SRGAP2B: variants seen among roughly 807,000 people sequenced by gnomAD.
SRGAP2B encodes SLIT-ROBO Rho GTPase-activating protein 2B.
Under a neutral mutation model 22.2 loss-of-function variants are expected in SRGAP2B, and 9 were observed. That is an observed-to-expected ratio of 0.41 (90% CI 0.24 to 0.71). SRGAP2B has a LOEUF of 0.71. SRGAP2B is among the 30% of genes least tolerant of loss of function. The pLI is 0.35. For missense variants in SRGAP2B, 114 were observed against 235.8 expected (o/e 0.48, Z 3.38); for synonymous variants, 36 against 87.4 (o/e 0.41, Z 3.28).
chr1:145,044,653 A>C (rs1649551141), intron 2 of SRGAP2B, among the ~76,000 whole-genome samples: 2 of 17,568 alleles, frequency 1.1e-4, no homozygotes, highest in South Asian at 4.5e-3. Context: ...CCCCTCCTAA[A>C]AAAAAAAAAA....
At chr1:145,005,855 G>T (rs1274432033) in intron 2 of SRGAP2B, among the ~76,000 whole-genome samples, 4 of 147,886 alleles carry the variant, frequency 2.7e-5, no homozygotes, top group Non-Finnish European at 4.4e-5. Context: ...GTACAAAAGT[G>T]TCAATAACTA....
chr1:144,913,136 C>T (rs1258748736), intron 5 of SRGAP2B, among the ~76,000 whole-genome samples: 1 of 145,406 alleles, frequency 6.9e-6, no homozygotes, highest in Non-Finnish European at 1.5e-5. Context: ...AGACATAGGA[C>T]CCTGGGTAAA....
intron 2 of SRGAP2B, among the ~76,000 whole-genome samples, chr1:145,082,156 C>T (rs1338879): frequency 6.7e-6 from 1 of 148,786 alleles, no homozygotes; most frequent in Non-Finnish European, 1.5e-5. Context: ...GAGGAACATG[C>T]CCCAACTGTT....
At chr1:144,889,159 T>C (rs1662077378) in exon 10 of SRGAP2B, 1 of 148,452 alleles carries the variant, frequency 6.7e-6, no homozygotes, top group Non-Finnish European at 1.5e-5. Flanking sequence ...TTCACCATGT[T>C]GTCCAGGCTG....
At chr1:145,068,893 A>ATGTG (rs797031320) in intron 2 of SRGAP2B, among the ~76,000 whole-genome samples, 171 of 109,238 alleles carry the variant, frequency 1.6e-3, no homozygotes, top group Middle Eastern at 4.3e-3. Flanking sequence ...ATAAGGTAAA[A>ATGTG]TGTGTGTGTG....
chr1:144,925,139 A>G (rs1286851307), intron 4 of SRGAP2B, among the ~76,000 whole-genome samples: 1 of 149,304 alleles, frequency 6.7e-6, no homozygotes, highest in East Asian at 2.0e-4. Flanking sequence ...AGTAGCTGGG[A>G]CTACAGGTGT....
intron 2 of SRGAP2B, among the ~76,000 whole-genome samples, chr1:145,061,876 C>A (rs1650956588): frequency 8.5e-6 from 1 of 117,948 alleles, no homozygotes; most frequent in Admixed American, 8.8e-5. Flanking sequence ...GTAATCCCAG[C>A]TACTCAGGAG....
At chr1:145,008,774 A>G (rs1553621576) in intron 2 of SRGAP2B, among the ~76,000 whole-genome samples, 1 of 121,254 alleles carries the variant, frequency 8.2e-6, no homozygotes. Context: ...TGATCTAAAC[A>G]CCACAAGGCA....
At chr1:145,039,557 G>A (rs1649020047) in intron 2 of SRGAP2B, among the ~76,000 whole-genome samples, 1 of 122,384 alleles carries the variant, frequency 8.2e-6, no homozygotes, top group South Asian at 3.2e-4. Context: ...CCTTAGCAGA[G>A]AGTCTGGGAA....
chr1:144,926,857 C>G (rs1396595499), intron 4 of SRGAP2B, among the ~76,000 whole-genome samples: 1 of 149,304 alleles, frequency 6.7e-6, no homozygotes, highest in Non-Finnish European at 1.5e-5. Context: ...AGACTCTGTC[C>G]CTCCCACCCA....
At chr1:144,964,841 C>T (rs1440230523) in intron 3 of SRGAP2B, among the ~76,000 whole-genome samples, 5 of 151,028 alleles carry the variant, frequency 3.3e-5, no homozygotes, top group Non-Finnish European at 7.4e-5. Flanking sequence ...ATCGCTTGAG[C>T]CCAGGAGCTT....
At chr1:144,984,897 T>C (rs1175165876) in intron 3 of SRGAP2B, among the ~76,000 whole-genome samples, 1 of 149,346 alleles carries the variant, frequency 6.7e-6, no homozygotes, top group Non-Finnish European at 1.5e-5. Context: ...TGTCCACTTC[T>C]TCCACATCCA....
At chr1:144,917,740 C>T (rs1663962811) in intron 4 of SRGAP2B, 1 of 128,158 alleles carries the variant, frequency 7.8e-6, no homozygotes, top group Non-Finnish European at 1.6e-5. Context: ...GTGTAGCGAG[C>T]CCACTTAAAA....
chr1:144,954,802 T>C (rs1334892031), intron 4 of SRGAP2B, among the ~76,000 whole-genome samples: 2 of 150,208 alleles, frequency 1.3e-5, no homozygotes, highest in African/African-American at 5.0e-5. Context: ...ACGATAACAA[T>C]TGAGTTCCGA....
rs1237598386 is a variant in SRGAP2B, at chr1:144,928,389, T to C, written c.424-13635A>G. Among the ~76,000 whole-genome samples, 24 of 146,416 alleles carry C rather than the reference T, an allele frequency of 1.6e-4. 1 individual carries two copies. The highest frequency in any genetic ancestry group is 5.9e-4 in the African/African-American group (23 of 39,040). Reference sequence around the variant, plus strand: ...TAAATCACTTCATTAACATTTGGGTTGCTTCCACTTTTTGGTTATTTATTT... The same window carrying C: ...TAAATCACTTCATTAACATTTGGGTCGCTTCCACTTTTTGGTTATTTATTT... On this transcript the variant is annotated intron_variant, in intron 4 of 9. Transcript: ENST00000612199.
At chr1:144,991,692 A>T (rs1181558157) in intron 3 of SRGAP2B, among the ~76,000 whole-genome samples, 1 of 149,550 alleles carries the variant, frequency 6.7e-6, no homozygotes, top group African/African-American at 2.5e-5. Flanking sequence ...TGAATGCACC[A>T]ATCGACACTC....
At chr1:145,094,035 G>A (rs1266952948) in intron 1 of SRGAP2B, among the ~76,000 whole-genome samples, 1 of 143,560 alleles carries the variant, frequency 7.0e-6, no homozygotes, top group African/African-American at 2.7e-5. Flanking sequence ...GCTGAAGCAG[G>A]AAACGGGTTA....
At chr1:144,969,573 C>G (rs1442555015) in intron 3 of SRGAP2B, among the ~76,000 whole-genome samples, 1 of 145,268 alleles carries the variant, frequency 6.9e-6, no homozygotes, top group Admixed American at 6.8e-5. Flanking sequence ...CCATTCAGGA[C>G]ATAGGCGTGG....
chr1:144,944,586 C>CAAAAAA (rs3061760), intron 4 of SRGAP2B, among the ~76,000 whole-genome samples: 2 of 17,920 alleles, frequency 1.1e-4, no homozygotes, highest in African/African-American at 4.4e-4. Context: ...GTCTCCATCT[C>CAAAAAA]AAAAAAAAAA....
Sources: gnomAD v4.1 joint callset for allele counts (sites outside exome capture counted in the v4.1 genomes callset) on GRCh38, gnomAD v4.1.1 for gene constraint, MANE v1.5 for transcripts, NCBI Gene and HGNC (gene_info 2026-07-23, HGNC 2026-07-21) for gene names.